The following COL4A2 variants were observed in gnomAD, a reference collection of about 807,000 sequenced individuals.
The protein encoded by COL4A2 is collagen alpha-2(IV) chain.
Under a neutral mutation model 200.2 loss-of-function variants are expected in COL4A2, and 99 were observed. The observed-to-expected ratio is 0.49, with a 90% CI of 0.42 to 0.58. The LOEUF (loss-of-function observed/expected upper bound fraction) is 0.58. Among genes scored for constraint, COL4A2 ranks in the 20% least tolerant of loss-of-function variants. The pLI is 0.00. For missense variants in COL4A2, 1,950 were observed against 2,314.1 expected, an observed-to-expected ratio of 0.84 and a Z score of 3.23; for synonymous variants, 897 against 900.6, an observed-to-expected ratio of 1.00 and a Z score of 0.07.
intron 4 of COL4A2, among the ~76,000 whole-genome samples, chr13:110,398,642 G>A (rs978127999): frequency 1.4e-4 from 22 of 152,104 alleles, no homozygotes; most frequent in African/African-American, 2.9e-4. Flanking sequence ...GCAGTGAGCC[G>A]AGACCGTGTC....
chr13:110,354,626 GTT>G (rs58713084), intron 3 of COL4A2, among the ~76,000 whole-genome samples: 18 of 144,594 alleles, frequency 1.2e-4, no homozygotes, highest in Admixed American at 6.2e-4. Flanking sequence ...ACTTTTTGGA[GTT>G]TTTTTTTTTT....
chr13:110,311,777 T>C (rs1160949819), intron 3 of COL4A2, among the ~76,000 whole-genome samples: 2 of 152,134 alleles, frequency 1.3e-5, no homozygotes, highest in Non-Finnish European at 2.9e-5. Context: ...GCCGGCTGGG[T>C]GGTCACCTGA....
At chr13:110,352,221 G>A (rs1246794612) in intron 3 of COL4A2, among the ~76,000 whole-genome samples, 1 of 152,216 alleles carries the variant, frequency 6.6e-6, no homozygotes, top group African/African-American at 2.4e-5. Context: ...CAGGCAGGGA[G>A]GTTGGCCTTG....
chr13:110,349,645 G>A (rs759107667), intron 3 of COL4A2, among the ~76,000 whole-genome samples: 1 of 152,192 alleles, frequency 6.6e-6, no homozygotes, highest in Non-Finnish European at 1.5e-5. Context: ...TCCTTAAAGG[G>A]TTCCATGACT....
chr13:110,431,142 C>G (rs537839737), intron 10 of COL4A2, among the ~76,000 whole-genome samples: 30 of 152,242 alleles, frequency 2.0e-4, no homozygotes, highest in African/African-American at 6.3e-4. Context: ...CACCACTGCA[C>G]AATGAGCTGG....
chr13:110,507,628 C>G, intron 46 of COL4A2: 1 of 474,300 alleles, frequency 2.1e-6, no homozygotes, highest in South Asian at 2.7e-5. Flanking sequence ...TGTTAAGACC[C>G]CACTAAGGTA....
chr13:110,402,188 A>G (rs576042658), intron 4 of COL4A2, among the ~76,000 whole-genome samples: 27 of 152,354 alleles, frequency 1.8e-4, no homozygotes, highest in African/African-American at 6.0e-4. Context: ...TCATCTAAAT[A>G]TCATCTAAAT....
At chr13:110,349,032 T>C (rs1455042195) in intron 3 of COL4A2, among the ~76,000 whole-genome samples, 1 of 152,226 alleles carries the variant, frequency 6.6e-6, no homozygotes, top group Non-Finnish European at 1.5e-5. Flanking sequence ...TTTTTTTTCA[T>C]TCGTCTACAT....
chr13:110,348,495 G>A (rs1050330722), intron 3 of COL4A2, among the ~76,000 whole-genome samples: 2 of 152,162 alleles, frequency 1.3e-5, no homozygotes, highest in African/African-American at 2.4e-5. Flanking sequence ...CTGCATGTGC[G>A]GAAATGGCTT....
intron 3 of COL4A2, among the ~76,000 whole-genome samples, chr13:110,351,350 C>T (rs1161926430): frequency 6.6e-6 from 1 of 152,200 alleles, no homozygotes; most frequent in Non-Finnish European, 1.5e-5. Context: ...GCTGGGATTA[C>T]AGGCATGAGC....
Position 110,432,315 on chromosome 13 carries a change from A to G in COL4A2, c.649-10A>G, listed in dbSNP as rs1566529683. The G allele has an allele frequency of 1.9e-6, 3 of 1,604,826 alleles. No homozygotes were observed. Among genetic ancestry groups the G allele is most frequent in the Non-Finnish European group, 2.5e-6 (3 of 1,177,026 alleles). ...GAAAACCATTTACACATTTCTTTGT[A>G]TTTGTACAGGGACCACCTGGACCCC... On this transcript the variant is annotated splice_polypyrimidine_tract_variant and intron_variant, in intron 10 of 47. Transcript: ENST00000360467.
At chr13:110,340,222 G>A (rs7334626) in intron 3 of COL4A2, among the ~76,000 whole-genome samples, 1 of 152,074 alleles carries the variant, frequency 6.6e-6, no homozygotes, top group East Asian at 1.9e-4. Flanking sequence ...GGTTCAAGCA[G>A]TTCCCTGCCT....
chr13:110,430,931 C>T lies in COL4A2; in HGVS notation c.648+324C>T, dbSNP rs1342527043. 7 of 536,644 alleles carry T rather than the reference C, an allele frequency of 1.3e-5. No individual in the cohort carries two copies. In the East Asian group the frequency reaches 3.2e-4, roughly 25 times the overall value. 33.2% of individuals were successfully genotyped at this position (536,644 alleles called of 1,614,324 possible). ...GCCCATCATCCCTGGGCAAGGCAAA[C>T]CAAAGTCCCACAGGTTCATAAGGAG... On this transcript the variant is annotated intron_variant, in intron 10 of 47. Transcript: ENST00000360467.
At chr13:110,484,217 C>G (rs961440983) in intron 32 of COL4A2, among the ~76,000 whole-genome samples, 2 of 152,172 alleles carry the variant, frequency 1.3e-5, no homozygotes, top group African/African-American at 2.4e-5. Flanking sequence ...TGGGCACGCT[C>G]TGTGGGGTCA....
rs368321322 is a variant in COL4A2, at chr13:110,449,808, A to G, written c.1189+19A>G. ...GATGGAGGTAATGTGGCTTCATAATATCAACACCGGAGACCCAAAGCACCT... is the reference window on the plus strand; with the variant it reads ...GATGGAGGTAATGTGGCTTCATAATGTCAACACCGGAGACCCAAAGCACCT... On this transcript the variant is annotated intron_variant, in intron 19 of 47. Transcript: ENST00000360467. 486 of 1,544,888 alleles carry G rather than the reference A, an allele frequency of 3.1e-4. 2 individuals carry two copies. In the African/African-American group the frequency reaches 5.8e-3, roughly 18 times the overall value.
chr13:110,430,974 G>C, intron 10 of COL4A2: 1 of 451,076 alleles, frequency 2.2e-6, no homozygotes, highest in East Asian at 6.3e-5. Flanking sequence ...AGGTCTGCCT[G>C]TGCCACACCC....
intron 47 of COL4A2, among the ~76,000 whole-genome samples, chr13:110,509,179 T>C (rs1883987635): frequency 6.7e-6 from 1 of 149,994 alleles, no homozygotes; most frequent in South Asian, 2.1e-4. Flanking sequence ...TTTATTTATA[T>C]GCATTATAAC....
At chr13:110,347,094 G>T (rs556508718) in intron 3 of COL4A2, among the ~76,000 whole-genome samples, 14 of 152,364 alleles carry the variant, frequency 9.2e-5, no homozygotes, top group Non-Finnish European at 1.6e-4. Context: ...CTGTGAAGAA[G>T]TGGCCAGGGC....
chr13:110,491,324 A>G lies in COL4A2; in HGVS notation c.3438A>G (p.Gly1146=), dbSNP rs1344957094. ...TGVTGVQGPP[G]LKGQTGFPGL... ...TGACTGGAGTCCAAGGCCCTCCTGGACTTAAAGGACAAACAGGTAAAATCT... is the reference window on the plus strand; with the variant it reads ...TGACTGGAGTCCAAGGCCCTCCTGGGCTTAAAGGACAAACAGGTAAAATCT... Residue 1146 remains glycine, a synonymous_variant, in exon 37 of 48, where the codon GGA becomes GGG. Coordinates refer to ENST00000360467, the MANE Select transcript of COL4A2 (RefSeq NM_001846.4). The G allele has an allele frequency of 6.3e-7, 1 of 1,587,096 alleles. No individual in the cohort carries two copies. Among genetic ancestry groups the G allele is most frequent in the Non-Finnish European group, 8.6e-7 (1 of 1,165,124 alleles).
Sources: allele counts gnomAD v4.1 joint callset (sites outside exome capture counted in the v4.1 genomes callset), GRCh38; gene constraint gnomAD v4.1.1; transcripts MANE v1.5; gene names NCBI Gene and HGNC (gene_info 2026-07-23, HGNC 2026-07-21).